Variants in FARP2 observed in about 807,000 individuals in gnomAD.
FARP2 encodes FERM, ARHGEF and pleckstrin domain-containing protein 2.
FARP2 carries 111 observed loss-of-function variants against 130.5 expected under a neutral mutation model. That is an observed-to-expected ratio of 0.85 (90% CI 0.73 to 1.00). FARP2 has a LOEUF of 1.00. Among genes scored for constraint, FARP2 ranks in the 50% least tolerant of loss-of-function variants. The pLI is 0.00. For synonymous variants in FARP2, 504 were observed against 516.9 expected (o/e 0.98, Z 0.34); for missense variants, 1,385 against 1,346.3 (o/e 1.03, Z -0.45).
intron 2 of FARP2, chr2:241,387,062 A>G (rs2061801360): frequency 6.6e-6 from 1 of 152,218 alleles, no homozygotes. Context: ...TTTCTTATAT[A>G]CAGCCTAATG....
Position 241,456,832 on chromosome 2 carries a change from C to G in FARP2, c.1497C>G (p.Gly499=). 6.2e-7 allele frequency: 1 copy of G among 1,614,052 alleles called. No homozygotes were observed. Among genetic ancestry groups the G allele is most frequent in the Non-Finnish European group, 8.5e-7 (1 of 1,179,944 alleles). ...GCCCTGCATTTCAGGTGCCTTTGGG[C>G]CCAGCTGAACAGGGCTCATCCCCAC... ...SLSPAFQVPL[G]PAEQGSSPLL... Residue 499 remains glycine (G), a synonymous_variant, in exon 14 of 27, where the codon GGC becomes GGG. Coordinates refer to ENST00000264042, the MANE Select transcript of FARP2 (RefSeq NM_014808.4).
At chr2:241,428,344 C>G (rs1287910103) in intron 8 of FARP2, among the ~76,000 whole-genome samples, 1 of 146,972 alleles carries the variant, frequency 6.8e-6, no homozygotes, top group Non-Finnish European at 1.5e-5. Context: ...AAATGATTTT[C>G]CTGCCTCAGC....
intron 2 of FARP2, chr2:241,386,879 A>G (rs2061796328): frequency 6.6e-6 from 1 of 152,228 alleles, no homozygotes; most frequent in African/African-American, 2.4e-5. Flanking sequence ...TTTTTCCTCT[A>G]ATAAGTGTCC....
intron 14 of FARP2, among the ~76,000 whole-genome samples, chr2:241,461,280 G>A (rs1054256093): frequency 6.6e-6 from 1 of 151,952 alleles, no homozygotes; most frequent in South Asian, 2.1e-4. Context: ...TCACCCCTCC[G>A]CGCCCCCCAA....
intron 20 of FARP2, 147 bp from the exon 21 acceptor site, chr2:241,484,095 A>G (rs969521910): frequency 1.9e-5 from 27 of 1,435,320 alleles, no homozygotes; most frequent in Non-Finnish European, 2.5e-5. Context: ...GACCAAATGA[A>G]TGAATAAAAG....
intron 10 of FARP2, 129 bp from the exon 11 acceptor site, chr2:241,434,833 C>G (rs113453396): frequency 0.026 from 17,127 of 657,374 alleles, 287 homozygotes; most frequent in Non-Finnish European, 0.038. Flanking sequence ...GAGACTCAGT[C>G]TCAAAAAATA....
intron 2 of FARP2, among the ~76,000 whole-genome samples, chr2:241,380,466 G>A (rs1469744594): frequency 6.6e-6 from 1 of 152,080 alleles, no homozygotes; most frequent in East Asian, 1.9e-4. Context: ...AGCTGAGCTT[G>A]TACAGGTTGA....
intron 8 of FARP2, among the ~76,000 whole-genome samples, chr2:241,418,449 C>T (rs1019214697): frequency 6.6e-5 from 10 of 152,116 alleles, no homozygotes; most frequent in African/African-American, 2.4e-4. Context: ...CGGCCTACCC[C>T]CTTAGGATCC....
chr2:241,464,782 C>T (rs1318834292), intron 17 of FARP2, among the ~76,000 whole-genome samples: 1 of 152,146 alleles, frequency 6.6e-6, no homozygotes, highest in African/African-American at 2.4e-5. Flanking sequence ...ACAGGGTCTC[C>T]TCAGAACTCT....
At chr2:241,415,922 A>G (rs2062651789) in intron 7 of FARP2, among the ~76,000 whole-genome samples, 1 of 151,934 alleles carries the variant, frequency 6.6e-6, no homozygotes, top group African/African-American at 2.4e-5. Flanking sequence ...CAGTGACAAC[A>G]TCTTTGGGCA....
chr2:241,425,478 G>A (rs2062910940), intron 8 of FARP2, among the ~76,000 whole-genome samples: 1 of 151,908 alleles, frequency 6.6e-6, no homozygotes, highest in Non-Finnish European at 1.5e-5. Flanking sequence ...CTCCCAGGAA[G>A]AAGAGAGAAA....
chr2:241,394,579 G>C (rs1170308995), intron 2 of FARP2, among the ~76,000 whole-genome samples: 1 of 151,242 alleles, frequency 6.6e-6, no homozygotes, highest in African/African-American at 2.4e-5. Context: ...AACTGATTAT[G>C]ACACTTTATG....
chr2:241,453,006 G>A (rs940424518), intron 13 of FARP2, among the ~76,000 whole-genome samples: 3 of 151,848 alleles, frequency 2.0e-5, no homozygotes, highest in Non-Finnish European at 4.4e-5. Context: ...CCACTAAGTT[G>A]TGAGTTGACC....
chr2:241,366,531 T>C (rs1374484914), intron 1 of FARP2, among the ~76,000 whole-genome samples: 2 of 152,072 alleles, frequency 1.3e-5, no homozygotes, highest in Admixed American at 6.5e-5. Context: ...GAAATCTCTT[T>C]GGAACAATTA....
chr2:241,378,826 G>A (rs899704508), intron 2 of FARP2, among the ~76,000 whole-genome samples: 19 of 152,070 alleles, frequency 1.2e-4, no homozygotes, highest in Non-Finnish European at 2.2e-4. Context: ...GCCACTTTTG[G>A]CATTTATTAA....
rs1247499475 is a variant in FARP2 at position 241,410,942 on chromosome 2, C to T, written c.411-91C>T. On this transcript the variant is annotated intron_variant, in intron 5 of 26. Coordinates refer to ENST00000264042, the MANE Select transcript of FARP2 (RefSeq NM_014808.4). ...GTTGGGTCACTGCCACTTCCCAGGG[C>T]TCATTTGCTGTCTTGCTGTGGAGAC... is the stretch of plus-strand genomic sequence containing the variant. The T allele has an allele frequency of 7.8e-6, 7 of 897,286 alleles. 1 individual carries two copies. Among genetic ancestry groups the T allele is most frequent in the Admixed American group, 2.1e-5 (1 of 48,694 alleles). 55.6% of individuals were successfully genotyped at this position (897,286 alleles called of 1,614,324 possible).
chr2:241,478,431 A>C (rs1431727804), intron 19 of FARP2: 1 of 248,822 alleles, frequency 4.0e-6, no homozygotes, highest in Non-Finnish European at 8.0e-6. Flanking sequence ...AGCTTGTCCA[A>C]ATGGCTCTGG....
chr2:241,478,976 C>A, intron 19 of FARP2: 1 of 446,028 alleles, frequency 2.2e-6, no homozygotes. Context: ...TTTGCAAGAA[C>A]AAGGTTCAAG....
chr2:241,401,951 G>A (rs543605602), intron 2 of FARP2, among the ~76,000 whole-genome samples: 23 of 151,960 alleles, frequency 1.5e-4, no homozygotes, highest in Admixed American at 3.9e-4. Context: ...CACCATACCC[G>A]GCCAATTTTT....
Sources: allele counts gnomAD v4.1 joint callset (sites outside exome capture counted in the v4.1 genomes callset), GRCh38; gene constraint gnomAD v4.1.1; transcripts MANE v1.5; gene names NCBI Gene and HGNC (gene_info 2026-07-23, HGNC 2026-07-21).